The following AKAP13 variants were observed in gnomAD, a reference collection of about 807,000 sequenced individuals.
AKAP13 encodes A-kinase anchoring protein 13.
AKAP13 carries 80 observed loss-of-function variants against 264.5 expected under a neutral mutation model. That is an observed-to-expected ratio of 0.30 (90% CI 0.25 to 0.36). AKAP13 has a LOEUF of 0.36. AKAP13 is among the 10% of genes least tolerant of loss of function. The pLI is 1.00. For synonymous variants in AKAP13, 1,380 were observed against 1,250.2 expected (o/e 1.10, Z -2.19); for missense variants, 3,712 against 3,435.2 (o/e 1.08, Z -2.01).
At chr15:85,626,054 G>A (rs1202416681) in intron 8 of AKAP13, among the ~76,000 whole-genome samples, 1 of 152,214 alleles carries the variant, frequency 6.6e-6, no homozygotes, top group African/African-American at 2.4e-5. Context: ...GGTTGAAAAT[G>A]CTGATACATG....
intron 13 of AKAP13, 77 bp downstream of exon 13, chr15:85,664,832 T>C: frequency 1.5e-6 from 2 of 1,373,164 alleles, no homozygotes; most frequent in Non-Finnish European, 2.0e-6. Context: ...CTTCTGGTAG[T>C]ATAAGGCTAG....
At chr15:85,707,325 A>G (rs1376290716) in intron 17 of AKAP13, among the ~76,000 whole-genome samples, 1 of 152,196 alleles carries the variant, frequency 6.6e-6, no homozygotes, top group Non-Finnish European at 1.5e-5. Flanking sequence ...GAATTGAGAT[A>G]AAATGCTGTC....
chr15:85,384,004 G>C (rs1377434631), intron 1 of AKAP13, among the ~76,000 whole-genome samples: 3 of 152,174 alleles, frequency 2.0e-5, no homozygotes, highest in Non-Finnish European at 2.9e-5. Context: ...AGTTATACTA[G>C]CATAGTTTAG....
chr15:85,670,486 C>G (rs1244006005), intron 14 of AKAP13, among the ~76,000 whole-genome samples: 1 of 149,926 alleles, frequency 6.7e-6, no homozygotes, highest in African/African-American at 2.5e-5. Flanking sequence ...TTATCCAAAT[C>G]AGGAAATTAA....
intron 1 of AKAP13, among the ~76,000 whole-genome samples, chr15:85,439,399 G>A (rs1346140321): frequency 1.3e-5 from 2 of 151,896 alleles, no homozygotes. Flanking sequence ...AACCATTGTG[G>A]ATGTCAGTGT....
At chr15:85,618,272 G>A (rs900716446) in intron 8 of AKAP13, among the ~76,000 whole-genome samples, 5 of 152,032 alleles carry the variant, frequency 3.3e-5, no homozygotes, top group African/African-American at 9.7e-5. Context: ...TTCTATATCC[G>A]TTTTTTAGCT....
At chr15:85,731,645 G>C (rs1167543314) in intron 30 of AKAP13, among the ~76,000 whole-genome samples, 1 of 151,948 alleles carries the variant, frequency 6.6e-6, no homozygotes. Flanking sequence ...ATATCTAGTT[G>C]TCTCTTTTTT....
intron 3 of AKAP13, 136 bp downstream of exon 3, chr15:85,521,711 G>C (rs2076829928): frequency 2.1e-6 from 2 of 961,530 alleles, no homozygotes; most frequent in East Asian, 5.8e-5. Flanking sequence ...AAAGCAGTTT[G>C]AATATCTGGT....
chr15:85,409,181 A>G (rs2071820747), intron 1 of AKAP13, among the ~76,000 whole-genome samples: 1 of 151,326 alleles, frequency 6.6e-6, no homozygotes, highest in African/African-American at 2.4e-5. Flanking sequence ...TTTTATTTTA[A>G]TTTAATTATT....
At chr15:85,486,620 T>C (rs772057210) in intron 2 of AKAP13, among the ~76,000 whole-genome samples, 2 of 152,230 alleles carry the variant, frequency 1.3e-5, no homozygotes, top group African/African-American at 4.8e-5. Context: ...GTTTTTGATT[T>C]CTTTCAACAG....
intron 8 of AKAP13, among the ~76,000 whole-genome samples, chr15:85,613,524 G>C (rs1165003957): frequency 6.6e-6 from 1 of 151,484 alleles, no homozygotes; most frequent in South Asian, 2.1e-4. Context: ...TACTAAAAAT[G>C]TAGAAAATTA....
chr15:85,684,869 G>A lies in AKAP13; in HGVS notation c.5285G>A (p.Ser1762Asn). Residue 1762 changes from serine to asparagine, a missense_variant, in exon 16 of 37, where the codon AGC becomes AAC. Around this residue, in one of 3 missense-constraint regions of AKAP13, gnomAD observed 2,759 missense variants for 2,411.7 expected, o/e 1.14. Transcript: ENST00000394518. Reference protein sequence around the residue: ...IKNKMSSSKKSKEKEKEKDKI... With the variant: ...IKNKMSSSKKNKEKEKEKDKI... ...AATAAAATGTCTAGCAGCAAGAAGA[G>A]CAAAGTGAGTATCACTGTGGGCATT... is the stretch of plus-strand genomic sequence containing the variant. The A allele has an allele frequency of 6.2e-7, 1 of 1,613,688 alleles. No individual in the cohort carries two copies. Among genetic ancestry groups the A allele is most frequent in the Non-Finnish European group, 8.5e-7 (1 of 1,179,940 alleles).
At chr15:85,679,446 A>G (rs928268501) in intron 14 of AKAP13, among the ~76,000 whole-genome samples, 12 of 152,184 alleles carry the variant, frequency 7.9e-5, no homozygotes, top group Non-Finnish European at 1.3e-4. Context: ...GGAGAACCAA[A>G]AGAAGGGAGG....
At chr15:85,617,250 T>A (rs2009531) in intron 8 of AKAP13, among the ~76,000 whole-genome samples, 2 of 89,772 alleles carry the variant, frequency 2.2e-5, no homozygotes, top group African/African-American at 1.5e-4. Flanking sequence ...GTTGTTTTTG[T>A]TTTTTGTTTT....
At chr15:85,680,762 A>G (rs2084548721) in intron 14 of AKAP13, among the ~76,000 whole-genome samples, 1 of 152,178 alleles carries the variant, frequency 6.6e-6, no homozygotes, top group Admixed American at 6.5e-5. Flanking sequence ...TCTGTTCAGA[A>G]TCTGGAACAG....
At chr15:85,485,800 GCTTA>G in intron 2 of AKAP13, 47 bp downstream of exon 2, 2 of 1,580,466 alleles carry the variant, frequency 1.3e-6, no homozygotes, top group South Asian at 1.1e-5. Flanking sequence ...TATCTGTTCT[GCTTA>G]CTTGTTATAA....
intron 5 of AKAP13, among the ~76,000 whole-genome samples, chr15:85,564,912 T>C (rs1443823124): frequency 6.6e-6 from 1 of 152,178 alleles, no homozygotes; most frequent in African/African-American, 2.4e-5. Flanking sequence ...AAGATTGTTA[T>C]AGTGCAGTTC....
At chr15:85,388,531 A>G (rs1023971547) in intron 1 of AKAP13, among the ~76,000 whole-genome samples, 14 of 142,510 alleles carry the variant, frequency 9.8e-5, no homozygotes, top group Admixed American at 8.9e-4. Flanking sequence ...AGTTGAGGAA[A>G]TTGTCTTCTA....
intron 1 of AKAP13, among the ~76,000 whole-genome samples, chr15:85,428,410 G>A (rs962890046): frequency 6.6e-6 from 1 of 152,120 alleles, no homozygotes; most frequent in South Asian, 2.1e-4. Flanking sequence ...TGTTGGTCAG[G>A]CTGGTCTCAA....
Sources: allele counts gnomAD v4.1 joint callset (sites outside exome capture counted in the v4.1 genomes callset), GRCh38; gene constraint gnomAD v4.1.1; regional missense constraint gnomAD v4.1.1; transcripts MANE v1.5; gene names NCBI Gene and HGNC (gene_info 2026-07-23, HGNC 2026-07-21).